The following TAFA2 variants were observed in gnomAD, a reference collection of about 807,000 sequenced individuals.
TAFA2 encodes the protein TAFA chemokine like family member 2, also known as chemokine-like protein TAFA-2.
A neutral mutation model predicts 18.8 loss-of-function variants in TAFA2; 7 were observed. That is an observed-to-expected ratio of 0.37 (90% confidence interval 0.21 to 0.70). The LOEUF (loss-of-function observed/expected upper bound fraction) is 0.70, where lower values mean the gene tolerates loss of function less well. Ranked by LOEUF, TAFA2 falls within the 30% of genes least tolerant of loss-of-function variation. TAFA2 has a pLI of 0.53. For missense variants in TAFA2, 122 were observed against 158.1 expected (o/e 0.77, Z 1.23); for synonymous variants, 60 against 54.2 (o/e 1.11, Z -0.47).
intron 4 of TAFA2, among the ~76,000 whole-genome samples, chr12:61,752,177 C>T (rs1869051034): frequency 6.6e-6 from 1 of 151,962 alleles, no homozygotes; most frequent in African/African-American, 2.4e-5. Context: ...ATCTTCTCCA[C>T]TGGGCTATTA....
intron 1 of TAFA2, among the ~76,000 whole-genome samples, chr12:62,142,668 A>G (rs2062248032): frequency 6.6e-6 from 1 of 152,168 alleles, no homozygotes; most frequent in Non-Finnish European, 1.5e-5. Flanking sequence ...CTTTATCTCA[A>G]GCAAAGTTTC....
At chr12:61,825,894 A>C (rs1872520868) in intron 2 of TAFA2, among the ~76,000 whole-genome samples, 2 of 152,202 alleles carry the variant, frequency 1.3e-5, no homozygotes, top group South Asian at 4.1e-4. Context: ...AAGACCTCCT[A>C]TCCCTATTTA....
chr12:61,763,722 G>T (rs763979882), intron 2 of TAFA2, among the ~76,000 whole-genome samples: 2 of 151,796 alleles, frequency 1.3e-5, no homozygotes, highest in Admixed American at 1.3e-4. Context: ...AAAGCTTCGC[G>T]CATGCCTCAC....
intron 1 of TAFA2, among the ~76,000 whole-genome samples, chr12:62,164,584 G>A (rs749828790): frequency 6.6e-6 from 1 of 151,972 alleles, no homozygotes; most frequent in Non-Finnish European, 1.5e-5. Flanking sequence ...ACAAACCCTC[G>A]TGACATGAGT....
At chr12:61,869,321 C>A (rs1481961152) in intron 1 of TAFA2, among the ~76,000 whole-genome samples, 17 of 152,084 alleles carry the variant, frequency 1.1e-4, no homozygotes, top group Non-Finnish European at 4.4e-5. Context: ...ATAATATGTA[C>A]CTAACAGTGT....
chr12:62,033,770 C>T (rs1881525807), intron 1 of TAFA2, among the ~76,000 whole-genome samples: 2 of 152,044 alleles, frequency 1.3e-5, no homozygotes, highest in African/African-American at 4.8e-5. Context: ...CCTACAGAAT[C>T]GCTGGTTTAA....
intron 1 of TAFA2, among the ~76,000 whole-genome samples, chr12:61,941,272 T>C (rs1035610299): frequency 1.3e-5 from 2 of 152,218 alleles, no homozygotes; most frequent in African/African-American, 4.8e-5. Flanking sequence ...ATATGTTAGA[T>C]ACATAAAATA....
rs915699323 is a variant in TAFA2, at chr12:61,720,078, T to C, written c.385-9661A>G. ...TCAGTTTCCTAGATGTAATTCTTTTTGGACTTTTCTGATAACAACCATCAT... is the reference window on the plus strand; with the variant it reads ...TCAGTTTCCTAGATGTAATTCTTTTCGGACTTTTCTGATAACAACCATCAT... On this transcript the variant is annotated intron_variant, in intron 4 of 4. Transcript: ENST00000416284. Among the ~76,000 whole-genome samples, 8 of 152,276 alleles carry C rather than the reference T, an allele frequency of 5.3e-5. No homozygotes were observed. The East Asian group carries it at 1.5e-3, about 29-fold the overall frequency.
intron 4 of TAFA2, among the ~76,000 whole-genome samples, chr12:61,718,113 C>T (rs1001568379): frequency 5.9e-5 from 9 of 152,168 alleles, no homozygotes; most frequent in Admixed American, 5.9e-4. Flanking sequence ...ACATATACAA[C>T]ATCTGTCAAT....
upstream of TAFA2, chr12:62,260,005 C>G (rs1592426646): frequency 4.8e-6 from 1 of 210,140 alleles, no homozygotes; most frequent in Non-Finnish European, 1.0e-5. Flanking sequence ...ACCGCCCCAC[C>G]CTACCTCACC....
intron 2 of TAFA2, among the ~76,000 whole-genome samples, chr12:61,833,101 T>G (rs1351163723): frequency 6.7e-6 from 1 of 148,386 alleles, no homozygotes; most frequent in Non-Finnish European, 1.5e-5. Context: ...ATATATATGA[T>G]TCTCCAGTTC....
chr12:61,748,645 T>C (rs186430186), intron 4 of TAFA2, among the ~76,000 whole-genome samples: 13 of 152,244 alleles, frequency 8.5e-5, no homozygotes, highest in African/African-American at 3.1e-4. Flanking sequence ...GAAATCCAAA[T>C]GGAAGAGTAC....
upstream of TAFA2, among the ~76,000 whole-genome samples, chr12:62,196,896 A>G (rs976708210): frequency 2.0e-5 from 3 of 152,216 alleles, no homozygotes; most frequent in African/African-American, 7.2e-5. Flanking sequence ...AATAAAAACA[A>G]TATTTGCAAA....
At chr12:61,899,463 G>A (rs1876000684) in intron 1 of TAFA2, among the ~76,000 whole-genome samples, 2 of 152,202 alleles carry the variant, frequency 1.3e-5, no homozygotes. Flanking sequence ...ATGGCAGAAG[G>A]GGAAGCAGGC....
chr12:61,978,375 CAT>C, intron 1 of TAFA2, among the ~76,000 whole-genome samples: 1 of 152,140 alleles, frequency 6.6e-6, no homozygotes, highest in African/African-American at 2.4e-5. Flanking sequence ...TATTTCAAAA[CAT>C]ATGACAAATT....
intron 1 of TAFA2, among the ~76,000 whole-genome samples, chr12:62,049,449 T>G (rs553887577): frequency 6.6e-6 from 1 of 152,120 alleles, no homozygotes; most frequent in Non-Finnish European, 1.5e-5. Context: ...ACCAGTGTTA[T>G]TGGGAACAGG....
intron 1 of TAFA2, among the ~76,000 whole-genome samples, chr12:61,941,865 G>A (rs1267782920): frequency 1.3e-5 from 2 of 152,152 alleles, no homozygotes; most frequent in East Asian, 1.9e-4. Context: ...AGGCGGCAGC[G>A]AGGCTGGGGG....
chr12:61,880,173 T>TC (rs1344858309), intron 1 of TAFA2: 24 of 546,610 alleles, frequency 4.4e-5, no homozygotes, highest in Middle Eastern at 5.1e-4. Flanking sequence ...ATGTACCAGA[T>TC]CAAGTATGAG....
chr12:62,181,585 C>A (rs1445844463), intron 1 of TAFA2, among the ~76,000 whole-genome samples: 1 of 152,336 alleles, frequency 6.6e-6, no homozygotes, highest in South Asian at 2.1e-4. Context: ...CTCCCTCAGA[C>A]TGACATGTCT....
Sources: gnomAD v4.1 joint callset for allele counts (sites outside exome capture counted in the v4.1 genomes callset) on GRCh38, gnomAD v4.1.1 for gene constraint, MANE v1.5 for transcripts, NCBI Gene and HGNC (gene_info 2026-07-23, HGNC 2026-07-21) for gene names.